NDFIP2: variants seen among roughly 807,000 people sequenced by gnomAD.
NDFIP2 encodes the protein Nedd4 family interacting protein 2.
Under a neutral mutation model 36.0 loss-of-function variants are expected in NDFIP2, and 19 were observed. That is an observed-to-expected ratio of 0.53 (90% CI 0.37 to 0.77). The LOEUF (loss-of-function observed/expected upper bound fraction) is 0.77, where lower values mean the gene tolerates loss of function less well. Ranked by LOEUF, NDFIP2 falls within the 30% of genes least tolerant of loss-of-function variation. The pLI, the probability that NDFIP2 is intolerant of heterozygous loss-of-function variation, is 0.00. For synonymous variants in NDFIP2, 181 were observed against 167.7 expected (o/e 1.08, Z -0.61); for missense variants, 446 against 435.8 (o/e 1.02, Z -0.21).
intron 1 of NDFIP2, among the ~76,000 whole-genome samples, chr13:79,516,135 C>G (rs1874315824): frequency 6.6e-6 from 1 of 152,140 alleles, no homozygotes; most frequent in Non-Finnish European, 1.5e-5. Flanking sequence ...GGTGTATGCT[C>G]ACTCTAGTTA....
chr13:79,532,145 G>T (rs929616342), intron 2 of NDFIP2, among the ~76,000 whole-genome samples: 3 of 152,194 alleles, frequency 2.0e-5, no homozygotes, highest in African/African-American at 7.2e-5. Context: ...TACAATAGTG[G>T]CACTGGAAAC....
At chr13:79,526,496 G>A (rs1874801140) in intron 2 of NDFIP2, among the ~76,000 whole-genome samples, 1 of 152,154 alleles carries the variant, frequency 6.6e-6, no homozygotes, top group Non-Finnish European at 1.5e-5. Context: ...CTATGCTGAG[G>A]AACTACAACA....
chr13:79,530,029 A>C (rs1370402600), intron 2 of NDFIP2, among the ~76,000 whole-genome samples: 2 of 152,220 alleles, frequency 1.3e-5, no homozygotes, highest in Non-Finnish European at 2.9e-5. Context: ...AAAGATACTA[A>C]TGATCATCAG....
chr13:79,494,236 C>T (rs2140737064), intron 1 of NDFIP2, among the ~76,000 whole-genome samples: 1 of 152,098 alleles, frequency 6.6e-6, no homozygotes, highest in South Asian at 2.1e-4. Context: ...GTAGTTTCCT[C>T]ATCCCTCATC....
At chr13:79,498,256 G>A (rs149072731) in intron 1 of NDFIP2, among the ~76,000 whole-genome samples, 458 of 151,890 alleles carry the variant, frequency 3.0e-3, no homozygotes, top group African/African-American at 0.011. Flanking sequence ...TGAAATTCAA[G>A]TTTTTACATT....
rs373307406 is a variant in NDFIP2 at position 79,550,906 on chromosome 13, A to T, written c.908-111A>T. ...TTACAGAAATGAATGGAAGTCTGCA[A>T]GTAAAATTCCTTAAGCCAAGAGGAT... is the stretch of plus-strand genomic sequence containing the variant. On this transcript the variant is annotated intron_variant, in intron 6 of 7. Coordinates refer to ENST00000218652, the MANE Select transcript of NDFIP2 (RefSeq NM_019080.3). The T allele has an allele frequency of 1.0e-4, 58 of 576,270 alleles. 1 individual carries two copies. The highest frequency in any genetic ancestry group is 9.6e-4 in the East Asian group (34 of 35,282). The allele number at this position is 576,270 out of a possible 1,614,324, so 35.7% of individuals were successfully genotyped here.
chr13:79,539,564 T>C, intron 3 of NDFIP2, 118 bp from the exon 4 acceptor site: 3 of 733,552 alleles, frequency 4.1e-6, no homozygotes, highest in African/African-American at 3.5e-5. Context: ...GTACTCATTA[T>C]TGCATTTGTC....
chr13:79,520,777 C>T (rs1424818008), intron 1 of NDFIP2, 33 bp from the exon 2 acceptor site: 4 of 1,557,914 alleles, frequency 2.6e-6, no homozygotes, highest in Admixed American at 1.8e-5. Flanking sequence ...ATTAGCATTA[C>T]ATTAATGTTT....
Position 79,481,413 on chromosome 13 carries a change from G to T in NDFIP2, c.210G>T (p.Ser70=). ...GGGGCCCTGCGGCGACGACGTCGTC[G>T]ACGGGGGTGGCCGTGGGAGCTGAGC... ...GGRGPAATTS[S]TGVAVGAEHG... Residue 70 remains serine, a synonymous_variant, in exon 1 of 8, where the codon TCG becomes TCT. Transcript: ENST00000218652. 2 of 1,557,686 alleles carry T rather than the reference G, an allele frequency of 1.3e-6. No individual in the cohort carries two copies. The highest frequency in any genetic ancestry group is 1.2e-5 in the South Asian group (1 of 84,622).
At chr13:79,487,830 GTCT>G (rs1453090748) in intron 1 of NDFIP2, among the ~76,000 whole-genome samples, 1 of 151,966 alleles carries the variant, frequency 6.6e-6, no homozygotes, top group Non-Finnish European at 1.5e-5. Context: ...ACATATCTCT[GTCT>G]TCTTAATTTT....
chr13:79,509,686 T>TAGAGAGAGAG (rs145822478), intron 1 of NDFIP2, among the ~76,000 whole-genome samples: 12 of 110,892 alleles, frequency 1.1e-4, no homozygotes, highest in East Asian at 2.7e-4. Flanking sequence ...GATATATATA[T>TAGAGAGAGAG]ATATAGAGAG....
At chr13:79,500,679 A>T (rs1218975845) in intron 1 of NDFIP2, among the ~76,000 whole-genome samples, 2 of 152,044 alleles carry the variant, frequency 1.3e-5, no homozygotes, top group South Asian at 2.1e-4. Context: ...TCTTCTGAGG[A>T]TGTGGAACAA....
At chr13:79,552,416 A>G (rs987664306) in intron 7 of NDFIP2, 100 bp from the exon 8 acceptor site, 4 of 151,702 alleles carry the variant, frequency 2.6e-5, no homozygotes, top group Non-Finnish European at 5.9e-5. Flanking sequence ...AGAATATTAT[A>G]TACTTAATAT....
At chr13:79,501,509 A>G (rs902992149) in intron 1 of NDFIP2, among the ~76,000 whole-genome samples, 1 of 152,092 alleles carries the variant, frequency 6.6e-6, no homozygotes, top group Non-Finnish European at 1.5e-5. Context: ...GTGAATCAGT[A>G]TAGGGGGATA....
intron 1 of NDFIP2, among the ~76,000 whole-genome samples, chr13:79,510,224 C>G (rs1874031455): frequency 6.6e-6 from 1 of 152,024 alleles, no homozygotes; most frequent in Admixed American, 6.6e-5. Flanking sequence ...GGCAGAAGTC[C>G]TGTATATGAA....
intron 1 of NDFIP2, among the ~76,000 whole-genome samples, chr13:79,516,349 G>A (rs1442302931): frequency 3.3e-5 from 5 of 152,070 alleles, no homozygotes; most frequent in Non-Finnish European, 7.4e-5. Context: ...CACCTTCCGG[G>A]CTCAGGTTAT....
chr13:79,513,006 G>A (rs563537207), intron 1 of NDFIP2, among the ~76,000 whole-genome samples: 2 of 152,226 alleles, frequency 1.3e-5, no homozygotes, highest in African/African-American at 4.8e-5. Context: ...TATTTGTCTT[G>A]GAAATTAGCT....
chr13:79,536,191 A>G (rs543679001), intron 3 of NDFIP2, among the ~76,000 whole-genome samples: 4 of 152,366 alleles, frequency 2.6e-5, no homozygotes, highest in African/African-American at 9.6e-5. Flanking sequence ...TTAATTTTAT[A>G]AGATGTTTAG....
chr13:79,521,639 A>G (rs372555112), intron 2 of NDFIP2, among the ~76,000 whole-genome samples: 2 of 152,146 alleles, frequency 1.3e-5, no homozygotes, highest in African/African-American at 4.8e-5. Flanking sequence ...AACATCATCT[A>G]CTGCTCTCAA....
Sources: allele counts gnomAD v4.1 joint callset (sites outside exome capture counted in the v4.1 genomes callset), GRCh38; gene constraint gnomAD v4.1.1; transcripts MANE v1.5; gene names NCBI Gene and HGNC (gene_info 2026-07-23, HGNC 2026-07-21).